The following USH2A variants were observed in gnomAD, a reference collection of about 807,000 sequenced individuals.
USH2A encodes Usher syndrome 2A (autosomal recessive, mild).
In USH2A, 443 loss-of-function variants were observed where a neutral mutation model predicts 538.9. The ratio of observed to expected loss-of-function variants is 0.82; its 90% CI spans 0.76 to 0.89. USH2A has a LOEUF of 0.89. Among genes scored for constraint, USH2A ranks in the 40% least tolerant of loss-of-function variants. USH2A has a pLI of 0.00. For missense variants in USH2A, 6,633 were observed against 6,324.8 expected (o/e 1.05, Z -1.65); for synonymous variants, 2,413 against 2,273.5 (o/e 1.06, Z -1.75).
chr1:215,893,869 T>C (rs1029296261), intron 40 of USH2A, among the ~76,000 whole-genome samples: 4 of 152,176 alleles, frequency 2.6e-5, no homozygotes, highest in African/African-American at 9.6e-5. Flanking sequence ...AATAAGTTCC[T>C]TTTGATCTTA....
intron 61 of USH2A, among the ~76,000 whole-genome samples, chr1:215,680,583 G>A (rs1658195452): frequency 6.6e-6 from 1 of 151,824 alleles, no homozygotes; most frequent in South Asian, 2.1e-4. Context: ...AATGTTGTAT[G>A]ATTTCAGACA....
rs527991156 is a variant in USH2A, at chr1:215,895,141, C to T, written c.7594+4934G>A. Reference sequence around the variant, plus strand: ...ATATCCATCCTTGCAACTTTCATATCTCTTTTAGTCCCTGGTACACAGTAG... The same window carrying T: ...ATATCCATCCTTGCAACTTTCATATTTCTTTTAGTCCCTGGTACACAGTAG... On this transcript the variant is annotated intron_variant, in intron 40 of 71. Coordinates refer to ENST00000307340, the MANE Select transcript of USH2A (RefSeq NM_206933.4). 6.6e-5 allele frequency among the ~76,000 whole-genome samples: 10 copies of T among 152,296 alleles called. No individual in the cohort carries two copies. The South Asian group carries it at 1.4e-3, about 22-fold the overall frequency.
chr1:216,111,000 C>T (rs778487177), intron 21 of USH2A, among the ~76,000 whole-genome samples: 44 of 152,026 alleles, frequency 2.9e-4, no homozygotes, highest in Non-Finnish European at 5.0e-4. Flanking sequence ...TCAAGGCAAG[C>T]GGATCACTTT....
intron 47 of USH2A, among the ~76,000 whole-genome samples, chr1:215,833,290 T>A (rs1578207): frequency 1.3e-5 from 2 of 151,870 alleles, no homozygotes; most frequent in Non-Finnish European, 2.9e-5. Context: ...TACAATGTGA[T>A]TTGACAGCTT....
intron 3 of USH2A, among the ~76,000 whole-genome samples, chr1:216,403,823 G>A (rs1356663622): frequency 6.6e-6 from 1 of 152,124 alleles, no homozygotes; most frequent in East Asian, 1.9e-4. Flanking sequence ...CCTGGCGGGA[G>A]GTGATTAGAT....
rs79664366 is a variant in USH2A at position 215,766,177 on chromosome 1, G to A, written c.11047+504C>T. On this transcript the variant is annotated intron_variant, in intron 56 of 71. Transcript: ENST00000307340. ...TTGTGGTCCATCTCAGAAGTCATCTGCTCCATAAAGCCTTTTTTGATGTCA... is the reference window on the plus strand; with the variant it reads ...TTGTGGTCCATCTCAGAAGTCATCTACTCCATAAAGCCTTTTTTGATGTCA... Among the ~76,000 whole-genome samples the A allele has an allele frequency of 7.5e-3, 1,138 of 152,236 alleles. 13 individuals are homozygous for A. The highest frequency in any genetic ancestry group is 0.026 in the African/African-American group (1,092 of 41,548).
chr1:215,937,853 T>C (rs888796263), intron 37 of USH2A, among the ~76,000 whole-genome samples: 8 of 152,014 alleles, frequency 5.3e-5, no homozygotes, highest in African/African-American at 1.9e-4. Context: ...TATGTATGAG[T>C]ATAATATTGG....
intron 26 of USH2A, chr1:216,079,921 TA>T: frequency 1.3e-5 from 2 of 152,120 alleles, no homozygotes; most frequent in Non-Finnish European, 2.9e-5. Context: ...TTAGATGAAT[TA>T]AAAAGAAATT....
chr1:215,845,914 G>A lies in USH2A; in HGVS notation c.8965C>T (p.Pro2989Ser). 6.2e-7 allele frequency: 1 copy of A among 1,613,882 alleles called. No individual in the cohort carries two copies. The highest frequency in any genetic ancestry group is 8.5e-7 in the Non-Finnish European group (1 of 1,179,924). The stretch of plus-strand genomic sequence containing the variant: ...ATAAAGATCCAATACTCTGTGTTTG[G>A]CTTTAGGTGGCCAATGACATGAGAG... ...VNSHVIGHLK[P>S]NTEYWIFISV... Residue 2989 changes from proline (P) to serine (S), a missense_variant, in exon 45 of 72, where the codon CCA becomes TCA. Physicochemically the swap from Pro to Ser is moderately conservative, Grantham distance 74 (BLOSUM62 -1). Transcript: ENST00000307340.
rs778681497 is a variant in USH2A at position 215,786,653 on chromosome 1, A to G, written c.10387+17T>C. The G allele has an allele frequency of 4.3e-6, 7 of 1,613,840 alleles. No homozygotes were observed. The highest frequency in any genetic ancestry group is 5.9e-6 in the Non-Finnish European group (7 of 1,179,802). The stretch of plus-strand genomic sequence containing the variant: ...TAACCCCATTAAGCCATGGGCAGAC[A>G]GCTTGCTTTCTGTTACCTGTGTAAG... On this transcript the variant is annotated intron_variant, in intron 52 of 71. Coordinates refer to ENST00000307340, the MANE Select transcript of USH2A (RefSeq NM_206933.4).
chr1:215,878,893 A>G lies in USH2A; in HGVS notation c.8429T>C (p.Leu2810Ser). ...GGGGTGAGTGGTAACATAGGTAGGT[A>G]AACTCTCTGTGCACCCTCCAAGGTA... ...NGYLGGCTES[L>S]PTYVTTHPTV... Residue 2810 changes from leucine to serine, a missense_variant, in exon 42 of 72, where the codon TTA (leucine) becomes TCA (serine). By Grantham distance (145) the Leu-to-Ser change is moderately radical. Coordinates refer to ENST00000307340, the MANE Select transcript of USH2A (RefSeq NM_206933.4). The G allele has an allele frequency of 6.2e-7, 1 of 1,614,054 alleles. No homozygotes were observed.
chr1:215,970,534 A>G (rs1667467671), intron 36 of USH2A, 91 bp downstream of exon 36: 3 of 1,524,446 alleles, frequency 2.0e-6, no homozygotes, highest in Non-Finnish European at 2.7e-6. Context: ...CTAGCTGTGC[A>G]GAGGGTGAGT....
At chr1:216,368,723 T>C (rs2038645881) in intron 3 of USH2A, among the ~76,000 whole-genome samples, 1 of 152,200 alleles carries the variant, frequency 6.6e-6, no homozygotes, top group African/African-American at 2.4e-5. Flanking sequence ...AAATACTGAA[T>C]CTTAATGCAG....
At chr1:215,650,844 TA>T in intron 64 of USH2A, 43 bp from the exon 65 acceptor site, 1 of 1,368,958 alleles carries the variant, frequency 7.3e-7, no homozygotes, top group Non-Finnish European at 9.8e-7. Context: ...CAAGATACCC[TA>T]AGGCTGGGAA....
At chr1:216,140,377 G>C (rs2033577925) in intron 21 of USH2A, among the ~76,000 whole-genome samples, 1 of 152,084 alleles carries the variant, frequency 6.6e-6, no homozygotes, top group African/African-American at 2.4e-5. Context: ...AGACTTCTTA[G>C]GGCCATAGAT....
chr1:215,711,863 C>T (rs1396370378), intron 61 of USH2A, among the ~76,000 whole-genome samples: 1 of 152,192 alleles, frequency 6.6e-6, no homozygotes, highest in African/African-American at 2.4e-5. Context: ...CCTCCCTTTG[C>T]TCCATTCTTG....
intron 67 of USH2A, among the ~76,000 whole-genome samples, 153 bp downstream of exon 67, chr1:215,647,369 T>G (rs1424974598): frequency 6.6e-6 from 1 of 152,224 alleles, no homozygotes; most frequent in East Asian, 1.9e-4. Flanking sequence ...GCATTTTTCC[T>G]CAGTAGTCAT....
At chr1:216,394,672 A>G (rs553883804) in intron 3 of USH2A, among the ~76,000 whole-genome samples, 2 of 150,176 alleles carry the variant, frequency 1.3e-5, no homozygotes, top group African/African-American at 4.9e-5. Flanking sequence ...TAAATTGTCA[A>G]TTTGTCATAT....
In USH2A at chr1:215,994,220, C is replaced by T. The variant is rs558136581; in HGVS notation, c.6658-1053G>A. The stretch of plus-strand genomic sequence containing the variant: ...AATGTAAAAAAGCAGAGATATTTAG[C>T]TCATTTTTGTGTAAGACAGATATTA... On this transcript the variant is annotated intron_variant, in intron 34 of 71. Transcript: ENST00000307340. 3.2e-4 allele frequency among the ~76,000 whole-genome samples: 49 copies of T among 152,086 alleles called. 1 individual carries two copies. The highest frequency in any genetic ancestry group is 3.4e-3 in the Middle Eastern group (1 of 294).
Sources: gnomAD v4.1 joint callset for allele counts (sites outside exome capture counted in the v4.1 genomes callset) on GRCh38, gnomAD v4.1.1 for gene constraint, MANE v1.5 for transcripts, NCBI Gene and HGNC (gene_info 2026-07-23, HGNC 2026-07-21) for gene names.